The following DYNC1LI1 variants were observed in gnomAD, a reference collection of about 807,000 sequenced individuals.
DYNC1LI1 encodes the protein cytoplasmic dynein 1 light intermediate chain 1.
DYNC1LI1 carries 19 observed loss-of-function variants against 63.8 expected under a neutral mutation model. That is an observed-to-expected ratio of 0.30 (90% confidence interval 0.21 to 0.44). DYNC1LI1 has a LOEUF of 0.44. DYNC1LI1 is among the 20% of genes least tolerant of loss of function. DYNC1LI1 has a pLI of 1.00. For missense variants in DYNC1LI1, 565 were observed against 630.2 expected (o/e 0.90, Z 1.11); for synonymous variants, 225 against 232.3 (o/e 0.97, Z 0.28).
At chr3:32,549,366 T>G (rs540022166) in intron 2 of DYNC1LI1, among the ~76,000 whole-genome samples, 10 of 151,752 alleles carry the variant, frequency 6.6e-5, no homozygotes, top group African/African-American at 1.9e-4. Context: ...TGTGAAGAGA[T>G]CTATGAATAT....
At chr3:32,539,990 G>A (rs950618913) in intron 5 of DYNC1LI1, among the ~76,000 whole-genome samples, 1 of 150,750 alleles carries the variant, frequency 6.6e-6, no homozygotes, top group African/African-American at 2.4e-5. Context: ...TCAGCCTCCT[G>A]AGTAGCTGGG....
intron 5 of DYNC1LI1, among the ~76,000 whole-genome samples, chr3:32,540,115 C>T (rs927552014): frequency 4.0e-5 from 6 of 151,694 alleles, no homozygotes; most frequent in East Asian, 2.0e-4. Context: ...GTGATCCACC[C>T]GCCTCAGCCT....
At chr3:32,562,029 C>T (rs139393429) in intron 2 of DYNC1LI1, among the ~76,000 whole-genome samples, 296 of 152,270 alleles carry the variant, frequency 1.9e-3, no homozygotes, top group African/African-American at 6.5e-3. Context: ...AACCCTAGCA[C>T]TTTGAGGCCA....
Position 32,533,068 on chromosome 3 carries a change from A to C in DYNC1LI1, c.998T>G (p.Ile333Arg), listed in dbSNP as rs767797463. ...IPAGWDNDKK[I>R]GILHENFQTL... is the part of the protein sequence containing the mutation. ...TTGAAAATTTTCATGTAATATTCCT[A>C]TTTTCTTATCATTATCCCACCCTGC... The change falls in exon 8 of 13, where the codon ATA (isoleucine) becomes AGA (arginine). Residue 333 changes from isoleucine to arginine, a missense_variant. By Grantham distance (97) the Ile-to-Arg change is moderately conservative. Transcript: ENST00000273130. 1.9e-5 allele frequency: 31 copies of C among 1,602,878 alleles called. No individual in the cohort carries two copies. Among genetic ancestry groups the C allele is most frequent in the Admixed American group, 3.5e-5 (2 of 57,516 alleles).
chr3:32,566,430 G>A (rs1042603096), intron 2 of DYNC1LI1, among the ~76,000 whole-genome samples: 2 of 152,084 alleles, frequency 1.3e-5, no homozygotes, highest in African/African-American at 4.8e-5. Flanking sequence ...AATCAATATG[G>A]AGAAACTGCC....
At chr3:32,533,168 G>A in intron 7 of DYNC1LI1, 71 bp from the exon 8 acceptor site, 3 of 1,463,618 alleles carry the variant, frequency 2.0e-6, no homozygotes, top group Non-Finnish European at 2.7e-6. Flanking sequence ...CCAAGATCAT[G>A]TAAAAGGAAT....
intron 12 of DYNC1LI1, among the ~76,000 whole-genome samples, chr3:32,527,722 T>C (rs892676456): frequency 1.3e-5 from 2 of 152,138 alleles, no homozygotes; most frequent in Non-Finnish European, 2.9e-5. Context: ...AGCAGCACCA[T>C]ATTAATAATA....
At chr3:32,562,799 A>T (rs1220189470) in intron 2 of DYNC1LI1, among the ~76,000 whole-genome samples, 1 of 152,128 alleles carries the variant, frequency 6.6e-6, no homozygotes, top group African/African-American at 2.4e-5. Flanking sequence ...ACAGGTCAGG[A>T]GGTTCTAATT....
chr3:32,527,826 A>G (rs1329110471), intron 12 of DYNC1LI1, among the ~76,000 whole-genome samples: 5 of 152,124 alleles, frequency 3.3e-5, no homozygotes, highest in Non-Finnish European at 7.4e-5. Context: ...TTCAGCAATT[A>G]AAAAGGAATG....
chr3:32,551,813 T>C (rs1698046422), intron 2 of DYNC1LI1, among the ~76,000 whole-genome samples: 1 of 152,156 alleles, frequency 6.6e-6, no homozygotes, highest in African/African-American at 2.4e-5. Context: ...CCTAAGTCTT[T>C]TTTGCAGACT....
chr3:32,537,875 AT>A (rs1697795961), intron 5 of DYNC1LI1, among the ~76,000 whole-genome samples: 1 of 92,760 alleles, frequency 1.1e-5, no homozygotes, highest in Admixed American at 1.7e-4. Flanking sequence ...TTTGTTACAT[AT>A]ATATATATAT....
intron 12 of DYNC1LI1, among the ~76,000 whole-genome samples, chr3:32,528,112 C>CAAAAAAAAAAAAAAAAAAAAAAAAAA (rs60912161): frequency 6.7e-5 from 2 of 29,902 alleles, no homozygotes; most frequent in East Asian, 1.0e-3. Flanking sequence ...GACTCCATCT[C>CAAAAAAAAAAAAAAAAAAAAAAAAAA]AAAAAAAAAA....
Position 32,529,624 on chromosome 3 carries a change from T to C in DYNC1LI1, c.1222A>G (p.Thr408Ala). ...SPRVPGGSPR[T>A]PNRSVSSNVA... is the part of the protein sequence containing the mutation. ...TTAGATGATACAGATCTATTTGGTGTTCGTGGGGAGCCTCCTGGGACTCTT... is the reference window on the plus strand; with the variant it reads ...TTAGATGATACAGATCTATTTGGTGCTCGTGGGGAGCCTCCTGGGACTCTT... The change falls in exon 11 of 13, where the codon ACA becomes GCA. Residue 408 changes from threonine (T) to alanine (A), a missense_variant. Thr to Ala is a moderately conservative substitution (Grantham distance 58). Coordinates refer to ENST00000273130, the MANE Select transcript of DYNC1LI1 (RefSeq NM_016141.4). 1 of 1,609,752 alleles carries C rather than the reference T, an allele frequency of 6.2e-7. No individual in the cohort carries two copies. The highest frequency in any genetic ancestry group is 8.5e-7 in the Non-Finnish European group (1 of 1,178,302).
intron 2 of DYNC1LI1, among the ~76,000 whole-genome samples, chr3:32,559,591 G>A (rs1224456591): frequency 1.3e-5 from 2 of 152,074 alleles, no homozygotes; most frequent in African/African-American, 2.4e-5. Context: ...ATAAAAACAG[G>A]AATTGTGAAA....
chr3:32,558,351 A>G (rs1040919221), intron 2 of DYNC1LI1, among the ~76,000 whole-genome samples: 1 of 150,950 alleles, frequency 6.6e-6, no homozygotes, highest in Non-Finnish European at 1.5e-5. Flanking sequence ...CTCAGGCCAC[A>G]TGGGTCTCTG....
intron 2 of DYNC1LI1, among the ~76,000 whole-genome samples, chr3:32,557,950 T>G (rs1011874257): frequency 2.0e-5 from 3 of 152,318 alleles, no homozygotes; most frequent in Non-Finnish European, 2.9e-5. Context: ...CTAAAATTAT[T>G]TTCTGAATAT....
At chr3:32,553,117 T>C (rs1028896768) in intron 2 of DYNC1LI1, among the ~76,000 whole-genome samples, 72 of 152,302 alleles carry the variant, frequency 4.7e-4, no homozygotes, top group African/African-American at 1.7e-3. Context: ...GAGGATTACT[T>C]GAACCCAGGA....
rs543522919 is a variant in DYNC1LI1, at chr3:32,545,649, C to T, written c.337+200G>A. ...AAGAAGTATCTGCACACCAGGATAC[C>T]TTAAGATGCTTAAAAGTATCATATA... On this transcript the variant is annotated intron_variant, in intron 3 of 12. Coordinates refer to ENST00000273130, the MANE Select transcript of DYNC1LI1 (RefSeq NM_016141.4). The T allele has an allele frequency of 4.2e-5, 24 of 568,656 alleles. No individual in the cohort carries two copies. In the South Asian group the frequency reaches 4.9e-4, roughly 12 times the overall value. 35.2% of individuals were successfully genotyped at this position (568,656 alleles called of 1,614,324 possible).
chr3:32,567,192 A>T (rs528473390), intron 2 of DYNC1LI1, among the ~76,000 whole-genome samples: 1 of 152,350 alleles, frequency 6.6e-6, no homozygotes, highest in East Asian at 1.9e-4. Context: ...GTCACAGAAC[A>T]GGGCCCTTAT....
Sources: gnomAD v4.1 joint callset for allele counts (sites outside exome capture counted in the v4.1 genomes callset) on GRCh38, gnomAD v4.1.1 for gene constraint, MANE v1.5 for transcripts, NCBI Gene and HGNC (gene_info 2026-07-23, HGNC 2026-07-21) for gene names.